ASPRV1: variants seen among roughly 807,000 people sequenced by gnomAD.
ASPRV1 encodes the protein aspartic peptidase retroviral like 1, also known as retroviral-like aspartic protease 1.
Under a neutral mutation model 11.0 loss-of-function variants are expected in ASPRV1, and 7 were observed. The observed-to-expected ratio is 0.64, with a 90% CI of 0.36 to 1.20. The LOEUF (loss-of-function observed/expected upper bound fraction) is 1.20, where lower values mean the gene tolerates loss of function less well. ASPRV1 is among the 50% of genes most tolerant of loss of function. The pLI is 0.02. For synonymous variants in ASPRV1, 136 were observed against 138.4 expected (o/e 0.98, Z 0.12); for missense variants, 299 against 320.0 (o/e 0.93, Z 0.50).
chr2:70,053,366 G>A, the ASPRV1 span, among the ~76,000 whole-genome samples: 1 of 152,042 alleles, frequency 6.6e-6, no homozygotes, highest in Non-Finnish European at 1.5e-5. Flanking sequence ...GCCTGGGGTG[G>A]GGGGTATAGG....
the ASPRV1 span, among the ~76,000 whole-genome samples, chr2:70,065,819 CAAAAAAAAAAAAA>C: frequency 1.5e-4 from 10 of 67,446 alleles, no homozygotes; most frequent in South Asian, 8.1e-4. Flanking sequence ...GCTTTTGACT[CAAAAAAAAAAAAA>C]AAAAAAAAAA....
chr2:70,062,430 T>C, the ASPRV1 span, among the ~76,000 whole-genome samples: 110 of 152,348 alleles, frequency 7.2e-4, no homozygotes, highest in African/African-American at 2.4e-3. Flanking sequence ...ATCTAGCAGT[T>C]GATACCAGGA....
At chr2:70,066,927 G>A in the ASPRV1 span, among the ~76,000 whole-genome samples, 1 of 152,140 alleles carries the variant, frequency 6.6e-6, no homozygotes, top group Non-Finnish European at 1.5e-5. Flanking sequence ...TGGCTGTAGT[G>A]TGGAGACTGG....
chr2:70,047,726 G>A, the ASPRV1 span, among the ~76,000 whole-genome samples: 4 of 152,300 alleles, frequency 2.6e-5, no homozygotes, highest in East Asian at 7.7e-4. Flanking sequence ...AGATGGTCAG[G>A]CTACAGTCAG....
chr2:69,949,082 G>C, the ASPRV1 span, among the ~76,000 whole-genome samples: 1 of 152,108 alleles, frequency 6.6e-6, no homozygotes, highest in Non-Finnish European at 1.5e-5. Flanking sequence ...CGCTGTCCGC[G>C]CAGTGATGCA....
the ASPRV1 span, among the ~76,000 whole-genome samples, chr2:69,945,188 A>G: frequency 6.6e-6 from 1 of 152,138 alleles, no homozygotes; most frequent in Admixed American, 6.5e-5. Flanking sequence ...TCTTTGAGCT[A>G]TGATTGTACC....
chr2:70,023,554 T>C, the ASPRV1 span, among the ~76,000 whole-genome samples: 1 of 151,758 alleles, frequency 6.6e-6, no homozygotes, highest in African/African-American at 2.4e-5. Context: ...ACACCTGTAA[T>C]CCCAGCTACT....
At chr2:69,951,626 A>AC in the ASPRV1 span, among the ~76,000 whole-genome samples, 1 of 151,502 alleles carries the variant, frequency 6.6e-6, no homozygotes, top group Non-Finnish European at 1.5e-5. Context: ...ATATAGACTG[A>AC]CCAACGTTTC....
At chr2:70,075,990 T>TA in the ASPRV1 span, among the ~76,000 whole-genome samples, 1 of 152,138 alleles carries the variant, frequency 6.6e-6, no homozygotes, top group African/African-American at 2.4e-5. Flanking sequence ...CACTGAGACA[T>TA]AGGTGTTTGT....
At chr2:70,006,237 CAG>C in the ASPRV1 span, among the ~76,000 whole-genome samples, 1 of 152,126 alleles carries the variant, frequency 6.6e-6, no homozygotes, top group African/African-American at 2.4e-5. Context: ...ACCACTGATA[CAG>C]TCCTATAAAA....
chr2:69,965,618 G>A (rs1008432188), upstream of ASPRV1, among the ~76,000 whole-genome samples: 2 of 152,148 alleles, frequency 1.3e-5, no homozygotes, highest in Admixed American at 6.5e-5. Context: ...CAGGAGCCAA[G>A]AGCTTTGACC....
chr2:69,976,302 C>T, the ASPRV1 span: 1 of 152,674 alleles, frequency 6.5e-6, no homozygotes, highest in Non-Finnish European at 1.5e-5. Context: ...CAGCCCCACA[C>T]TGCCTCCTCC....
At chr2:70,076,549 C>A in the ASPRV1 span, among the ~76,000 whole-genome samples, 1 of 152,296 alleles carries the variant, frequency 6.6e-6, no homozygotes, top group East Asian at 1.9e-4. Flanking sequence ...CCTCATTGTA[C>A]AAATACAGAT....
the ASPRV1 span, among the ~76,000 whole-genome samples, chr2:70,058,943 A>G: frequency 7.0e-6 from 1 of 143,246 alleles, no homozygotes; most frequent in African/African-American, 2.6e-5. Flanking sequence ...CTGGAATGCA[A>G]TGGCGCCAAC....
At chr2:69,969,792 G>A in the ASPRV1 span, among the ~76,000 whole-genome samples, 3 of 152,072 alleles carry the variant, frequency 2.0e-5, no homozygotes, top group Non-Finnish European at 4.4e-5. Flanking sequence ...ATGGCTCCCT[G>A]AAGCCTTGAC....
chr2:69,972,199 T>C, the ASPRV1 span, among the ~76,000 whole-genome samples: 1 of 150,946 alleles, frequency 6.6e-6, no homozygotes, highest in Non-Finnish European at 1.5e-5. Flanking sequence ...GTCGCTGAGA[T>C]TATAGGCGCC....
the ASPRV1 span, among the ~76,000 whole-genome samples, chr2:69,967,332 AAC>A: frequency 6.6e-6 from 1 of 152,238 alleles, no homozygotes; most frequent in Non-Finnish European, 1.5e-5. Flanking sequence ...AGCCTCAGGC[AAC>A]TCCCGCAACC....
At chr2:70,009,418 C>T in the ASPRV1 span, among the ~76,000 whole-genome samples, 2 of 152,062 alleles carry the variant, frequency 1.3e-5, no homozygotes, top group Non-Finnish European at 2.9e-5. Context: ...CAACCTCCGC[C>T]TCCTGGGTTC....
the ASPRV1 span, chr2:69,940,488 T>C: frequency 6.6e-6 from 1 of 152,562 alleles, no homozygotes; most frequent in South Asian, 2.1e-4. Flanking sequence ...GGAACAAAAT[T>C]TGTGTACTTC....
Sources: gnomAD v4.1 joint callset for allele counts (sites outside exome capture counted in the v4.1 genomes callset) on GRCh38, gnomAD v4.1.1 for gene constraint, MANE v1.5 for transcripts, NCBI Gene and HGNC (gene_info 2026-07-23, HGNC 2026-07-21) for gene names.